Variants in FOXN3 observed in about 807,000 individuals in gnomAD.
FOXN3 encodes the protein forkhead box protein N3.
FOXN3 carries 7 observed loss-of-function variants against 38.4 expected under a neutral mutation model. That is an observed-to-expected ratio of 0.18 (90% CI 0.10 to 0.34). The LOEUF (loss-of-function observed/expected upper bound fraction) is 0.34, where lower values mean the gene tolerates loss of function less well. Ranked by LOEUF, FOXN3 falls within the 10% of genes least tolerant of loss-of-function variation. The pLI is 1.00. For missense variants in FOXN3, 456 were observed against 613.4 expected (o/e 0.74, Z 2.71); for synonymous variants, 230 against 242.2 (o/e 0.95, Z 0.47).
chr14:89,387,257 A>G (rs1209917165), intron 2 of FOXN3, among the ~76,000 whole-genome samples: 8 of 152,096 alleles, frequency 5.3e-5, no homozygotes, highest in Admixed American at 5.2e-4. Flanking sequence ...TTCTGTCTCA[A>G]TCAATCAATC....
At chr14:89,515,832 T>A (rs1440763642) in intron 1 of FOXN3, among the ~76,000 whole-genome samples, 1 of 152,192 alleles carries the variant, frequency 6.6e-6, no homozygotes, top group Non-Finnish European at 1.5e-5. Flanking sequence ...TGCCACATGA[T>A]GAAAGCGAAG....
intron 3 of FOXN3, among the ~76,000 whole-genome samples, chr14:89,331,398 G>A (rs1409005563): frequency 6.6e-6 from 1 of 152,178 alleles, no homozygotes. Flanking sequence ...CTTTTCCAAG[G>A]CTGAGTAATA....
intron 1 of FOXN3, among the ~76,000 whole-genome samples, chr14:89,415,995 A>G (rs1053512191): frequency 5.9e-5 from 9 of 152,148 alleles, no homozygotes; most frequent in Middle Eastern, 3.2e-3. Context: ...AAGGTCTCCA[A>G]ATAACTGACA....
At position 89,160,292 on chromosome 14, in the gene FOXN3, T is replaced by C. The variant is rs1362075003; in HGVS notation, c.*2122A>G. 1 of 143,414 alleles carries C rather than the reference T, an allele frequency of 7.0e-6. No homozygotes were observed. The allele number at this position is 143,414 out of a possible 1,614,324, so 8.9% of individuals were successfully genotyped here. On this transcript the variant is annotated 3_prime_UTR_variant, in exon 6 of 6. Coordinates refer to ENST00000557258, the MANE Select transcript of FOXN3 (RefSeq NM_005197.4). ...GGAGTTTCTGGGCTGCATGACGTTG[T>C]CTGGTTTCTAAATTCAGCTCTCGCA...
chr14:89,464,671 AC>A (rs1892932977), intron 1 of FOXN3, among the ~76,000 whole-genome samples: 1 of 151,792 alleles, frequency 6.6e-6, no homozygotes, highest in Non-Finnish European at 1.5e-5. Context: ...GGGGGCAGTT[AC>A]CCCCATGCTG....
chr14:89,377,316 T>A (rs1487154704), intron 2 of FOXN3, among the ~76,000 whole-genome samples: 1 of 147,050 alleles, frequency 6.8e-6, no homozygotes, highest in Non-Finnish European at 1.5e-5. Context: ...TGGTAAAAAA[T>A]AAATAAATAA....
At chr14:89,309,853 A>G (rs1268116364) in intron 3 of FOXN3, among the ~76,000 whole-genome samples, 1 of 152,254 alleles carries the variant, frequency 6.6e-6, no homozygotes, top group Non-Finnish European at 1.5e-5. Context: ...TGGGGCTCTC[A>G]GTCTGCAGTC....
chr14:89,461,279 T>C lies in FOXN3; in HGVS notation c.-14-48789A>G, dbSNP rs907799107. On this transcript the variant is annotated intron_variant, in intron 1 of 6. Coordinates refer to the FOXN3 transcript ENST00000345097. ...TTGAACCTGGGATGTGGAGGTTGCA[T>C]TGAGCCGAGATCACACCACTGCACT... is the stretch of plus-strand genomic sequence containing the variant. Among the ~76,000 whole-genome samples, 10 of 149,474 alleles carry C rather than the reference T, an allele frequency of 6.7e-5. No individual in the cohort carries two copies. In the East Asian group the frequency reaches 9.9e-4, roughly 15 times the overall value.
chr14:89,295,448 T>C (rs887992162), intron 3 of FOXN3, among the ~76,000 whole-genome samples: 65 of 152,324 alleles, frequency 4.3e-4, no homozygotes, highest in African/African-American at 1.5e-3. Flanking sequence ...AGGCTAACAG[T>C]GACTCCTCTC....
chr14:89,535,181 G>A (rs567386138), intron 1 of FOXN3, among the ~76,000 whole-genome samples: 19 of 149,740 alleles, frequency 1.3e-4, no homozygotes, highest in Non-Finnish European at 2.1e-4. Flanking sequence ...TTTAAATAAC[G>A]CACAGCTTTC....
At chr14:89,357,932 C>T (rs573866511) in intron 2 of FOXN3, among the ~76,000 whole-genome samples, 1 of 152,292 alleles carries the variant, frequency 6.6e-6, no homozygotes, top group South Asian at 2.1e-4. Flanking sequence ...TGACCCCAAC[C>T]TTTCTAGCAG....
At position 89,165,477 on chromosome 14, in the gene FOXN3, C is replaced by T. The variant is rs923780767; in HGVS notation, c.852-2508G>A. On this transcript the variant is annotated intron_variant, in intron 5 of 5. Transcript: ENST00000557258. Reference sequence around the variant, plus strand: ...TCTCTTTCTATTCTGGATCGGGAGGCGTATGGGAACCCAGCACCAAGTCAG... The same window carrying T: ...TCTCTTTCTATTCTGGATCGGGAGGTGTATGGGAACCCAGCACCAAGTCAG... 3.9e-5 allele frequency among the ~76,000 whole-genome samples: 6 copies of T among 152,294 alleles called. No individual in the cohort carries two copies. In the East Asian group the frequency reaches 5.8e-4, roughly 15 times the overall value.
Position 89,168,586 on chromosome 14 carries a change from A to G in FOXN3, c.852-5617T>C, listed in dbSNP as rs181641583. Among the ~76,000 whole-genome samples the G allele has an allele frequency of 1.3e-3, 194 of 152,370 alleles. 2 individuals carry two copies. Among genetic ancestry groups the G allele is most frequent in the African/African-American group, 4.4e-3 (185 of 41,592 alleles). ...TACATAAAATGCAGCAGAAAGACAC[A>G]GAGATAGAGAATATGGAAGAAAGGT... On this transcript the variant is annotated intron_variant, in intron 5 of 5. Coordinates refer to ENST00000557258, the MANE Select transcript of FOXN3 (RefSeq NM_005197.4).
intron 2 of FOXN3, among the ~76,000 whole-genome samples, chr14:89,381,354 C>T (rs2140067149): frequency 6.6e-6 from 1 of 151,976 alleles, no homozygotes; most frequent in Admixed American, 6.6e-5. Context: ...CCTACAAAAT[C>T]ACACAGATGA....
intron 1 of FOXN3, among the ~76,000 whole-genome samples, chr14:89,545,158 G>C (rs541854622): frequency 2.0e-5 from 3 of 152,208 alleles, no homozygotes; most frequent in African/African-American, 7.2e-5. Context: ...CTTCACACCT[G>C]ATGTCTAACT....
chr14:89,287,588 GT>G (rs1555415176), intron 3 of FOXN3, among the ~76,000 whole-genome samples: 2 of 148,164 alleles, frequency 1.3e-5, no homozygotes, highest in Non-Finnish European at 3.0e-5. Flanking sequence ...AACTTGGCCC[GT>G]TTTTCCATTC....
At chr14:89,399,516 T>C (rs1000513426) in intron 2 of FOXN3, among the ~76,000 whole-genome samples, 1 of 152,200 alleles carries the variant, frequency 6.6e-6, no homozygotes, top group Non-Finnish European at 1.5e-5. Context: ...TTGGGACAAG[T>C]ACCCTTTTAC....
intron 1 of FOXN3, among the ~76,000 whole-genome samples, chr14:89,462,322 T>C (rs1346136889): frequency 6.6e-6 from 1 of 152,180 alleles, no homozygotes; most frequent in Non-Finnish European, 1.5e-5. Flanking sequence ...AAAAGCCACC[T>C]CACCAGGAGC....
At chr14:89,487,848 G>A (rs1893481093) in intron 1 of FOXN3, among the ~76,000 whole-genome samples, 1 of 152,100 alleles carries the variant, frequency 6.6e-6, no homozygotes, top group East Asian at 1.9e-4. Context: ...GTGAGGAGTG[G>A]GGGGTGCCAC....
Sources: allele counts gnomAD v4.1 joint callset (sites outside exome capture counted in the v4.1 genomes callset), GRCh38; gene constraint gnomAD v4.1.1; transcripts MANE v1.5; gene names NCBI Gene and HGNC (gene_info 2026-07-23, HGNC 2026-07-21).